Variants in RFX7 observed in about 807,000 individuals in gnomAD.
RFX7 encodes the protein regulatory factor X7.
RFX7 carries 26 observed loss-of-function variants against 111.8 expected under a neutral mutation model. That is an observed-to-expected ratio of 0.23 (90% confidence interval 0.17 to 0.32). RFX7 has a LOEUF of 0.32. Ranked by LOEUF, RFX7 falls within the 10% of genes least tolerant of loss-of-function variation. The probability of loss-of-function intolerance (pLI) is 1.00; values close to 1 mark genes in which losing one functional copy is unlikely to be tolerated. For synonymous variants in RFX7, 624 were observed against 624.4 expected, an observed-to-expected ratio of 1.00 and a Z score of 0.01; for missense variants, 1,573 against 1,772.9, an observed-to-expected ratio of 0.89 and a Z score of 2.02.
chr15:56,164,415 C>A (rs1416169593), intron 3 of RFX7, among the ~76,000 whole-genome samples: 1 of 152,178 alleles, frequency 6.6e-6, no homozygotes, highest in Non-Finnish European at 1.5e-5. Context: ...GTTTTAATAT[C>A]CAAGATCTGT....
chr15:56,218,011 AAG>A (rs2043380563), intron 2 of RFX7, among the ~76,000 whole-genome samples: 1 of 152,098 alleles, frequency 6.6e-6, no homozygotes, highest in South Asian at 2.1e-4. Flanking sequence ...GGGGAAAAAA[AAG>A]AGATGGTTGT....
chr15:56,159,758 T>C (rs1421785830), intron 3 of RFX7, among the ~76,000 whole-genome samples: 3 of 152,206 alleles, frequency 2.0e-5, no homozygotes, highest in African/African-American at 7.2e-5. Flanking sequence ...GAACTGTCAA[T>C]ACATACCAGA....
chr15:56,176,570 A>G (rs928411982), intron 3 of RFX7, among the ~76,000 whole-genome samples: 1 of 152,214 alleles, frequency 6.6e-6, no homozygotes, highest in Admixed American at 6.5e-5. Flanking sequence ...CAGACATTCT[A>G]TTTCCAGCAA....
intron 5 of RFX7, among the ~76,000 whole-genome samples, chr15:56,127,617 G>A (rs1183549884): frequency 3.4e-5 from 5 of 149,238 alleles, no homozygotes; most frequent in Admixed American, 2.0e-4. Flanking sequence ...GCGCGATCTC[G>A]ACTCACTGCA....
intron 3 of RFX7, among the ~76,000 whole-genome samples, chr15:56,177,916 A>G (rs2042919772): frequency 6.6e-6 from 1 of 152,154 alleles, no homozygotes; most frequent in African/African-American, 2.4e-5. Context: ...CCACTTTTCT[A>G]GGTCTTAAGA....
intron 3 of RFX7, among the ~76,000 whole-genome samples, chr15:56,164,803 G>A (rs549210873): frequency 1.3e-5 from 2 of 152,266 alleles, no homozygotes; most frequent in South Asian, 2.1e-4. Flanking sequence ...AATAGGCTTT[G>A]CTGTTCACTA....
intron 2 of RFX7, among the ~76,000 whole-genome samples, chr15:56,195,335 A>G (rs1180255199): frequency 2.0e-5 from 3 of 152,118 alleles, no homozygotes; most frequent in Non-Finnish European, 4.4e-5. Flanking sequence ...TGATGGCTAC[A>G]TAACACTGTA....
At position 56,243,865 on chromosome 15, in the gene RFX7, C is replaced by T. The variant is rs1481864795; in HGVS notation, c.-423G>A. 4 of 148,768 alleles carry T rather than the reference C, an allele frequency of 2.7e-5. No individual in the cohort carries two copies. The highest frequency in any genetic ancestry group is 1.9e-4 in the East Asian group (1 of 5,154). 9.2% of individuals were successfully genotyped at this position (148,768 alleles called of 1,614,324 possible). Reference sequence around the variant, plus strand: ...CTGCCCTGCCAGCCCCGGAGGCAGCCCAGTGCGCGCAGCCGCACTGCGGCC... The same window carrying T: ...CTGCCCTGCCAGCCCCGGAGGCAGCTCAGTGCGCGCAGCCGCACTGCGGCC... On this transcript the variant is annotated 5_prime_UTR_variant, in exon 1 of 10. Coordinates refer to ENST00000559447, the MANE Select transcript of RFX7 (RefSeq NM_022841.7).
chr15:56,144,750 G>C (rs1311643153), intron 3 of RFX7, among the ~76,000 whole-genome samples: 3 of 152,140 alleles, frequency 2.0e-5, no homozygotes, highest in East Asian at 3.9e-4. Context: ...CTCAAAAAAA[G>C]CTTCTCATTT....
rs1370782331 is a variant in RFX7 at position 56,109,020 on chromosome 15, TCTCCCTCTCCCTCTCCCTCTCCCA to T, written c.402-5374_402-5351del. The stretch of plus-strand genomic sequence containing the variant: ...GGACCTCTTCAAGAACTACAAACCT[TCTCCCTCTCCCTCTCCCTCTCCCA>T]CTCCCTCTGCCTCTCCCTCTCCCTC... On this transcript the variant is annotated intron_variant, in intron 5 of 9. Coordinates refer to ENST00000559447, the MANE Select transcript of RFX7 (RefSeq NM_022841.7). Among the ~76,000 whole-genome samples the T allele has an allele frequency of 9.1e-5, 6 of 65,824 alleles. No individual in the cohort carries two copies. In the Admixed American group the frequency reaches 9.5e-4, roughly 10 times the overall value. 43.2% of individuals were successfully genotyped at this position (65,824 alleles called of 152,430 possible). A position where few individuals can be genotyped will look rare whatever the true frequency, so the allele number is the denominator to read the frequency against.
At position 56,142,894 on chromosome 15, in the gene RFX7, C is replaced by T; in HGVS notation, c.285G>A (p.Gln95=). 6.2e-7 allele frequency: 1 copy of T among 1,613,436 alleles called. No individual in the cohort carries two copies. Among genetic ancestry groups the T allele is most frequent in the Non-Finnish European group, 8.5e-7 (1 of 1,179,676 alleles). The change falls in exon 5 of 10, where the codon CAG becomes CAA. Residue 95 remains glutamine (Q), a synonymous_variant. Transcript: ENST00000559447. ...SGLSNGEKSD[Q]NAMSSSRAQQ... ...GTGCCCGACTAGATGACATGGCATT[C>T]TGATCACTAATAGAATGAAAACATG...
At chr15:56,138,812 TG>T (rs1328168990) in intron 5 of RFX7, among the ~76,000 whole-genome samples, 4 of 152,024 alleles carry the variant, frequency 2.6e-5, no homozygotes, top group Non-Finnish European at 5.9e-5. Context: ...GCAGGCCTGG[TG>T]GTGACAAAAT....
intron 3 of RFX7, among the ~76,000 whole-genome samples, chr15:56,159,064 C>T (rs971961369): frequency 6.6e-6 from 1 of 152,078 alleles, no homozygotes; most frequent in African/African-American, 2.4e-5. Flanking sequence ...CAACCTTTCT[C>T]GATTCCATAT....
Position 56,096,041 on chromosome 15 carries a change from G to C in RFX7, c.1687C>G (p.Gln563Glu). The change falls in exon 10 of 10, where the codon CAG (glutamine) becomes GAG (glutamate). Residue 563 changes from glutamine (Q) to glutamate (E), a missense_variant. Gln to Glu is a conservative substitution (Grantham distance 29, BLOSUM62 2). Transcript: ENST00000559447. ...QENSDEAKAP[Q>E]TPSALLGQKS... ...TGCCCCAAAAGGGCACTAGGTGTCTGGGGAGCTTTAGCCTCATCAGAGTTC... is the reference window on the plus strand; with the variant it reads ...TGCCCCAAAAGGGCACTAGGTGTCTCGGGAGCTTTAGCCTCATCAGAGTTC... 1.9e-6 allele frequency: 3 copies of C among 1,613,118 alleles called. No homozygotes were observed. Among genetic ancestry groups the C allele is most frequent in the Non-Finnish European group, 1.7e-6 (2 of 1,179,536 alleles).
At chr15:56,165,209 T>C (rs1020300162) in intron 3 of RFX7, among the ~76,000 whole-genome samples, 1 of 152,202 alleles carries the variant, frequency 6.6e-6, no homozygotes, top group Non-Finnish European at 1.5e-5. Context: ...CTTACTGCTG[T>C]GTGGCCCGGT....
chr15:56,115,456 G>A (rs560143218), intron 5 of RFX7, among the ~76,000 whole-genome samples: 1 of 152,296 alleles, frequency 6.6e-6, no homozygotes, highest in Non-Finnish European at 1.5e-5. Flanking sequence ...AACTGGGGCT[G>A]TCTGCTTAGT....
intron 2 of RFX7, among the ~76,000 whole-genome samples, chr15:56,228,549 GATA>G (rs2043511443): frequency 6.6e-6 from 1 of 152,064 alleles, no homozygotes; most frequent in Admixed American, 6.5e-5. Flanking sequence ...GAAAAAAGAA[GATA>G]ATGATGACTA....
intron 5 of RFX7, among the ~76,000 whole-genome samples, chr15:56,123,510 G>A (rs1238457769): frequency 1.3e-5 from 2 of 152,168 alleles, no homozygotes; most frequent in Non-Finnish European, 2.9e-5. Context: ...TTTCAGAGTT[G>A]CAAGCTTTGC....
At chr15:56,238,993 C>G (rs1359513383) in intron 2 of RFX7, among the ~76,000 whole-genome samples, 2 of 151,644 alleles carry the variant, frequency 1.3e-5, no homozygotes, top group East Asian at 3.9e-4. Flanking sequence ...GATGCCACAC[C>G]TGGATAATTT....
Sources: allele counts gnomAD v4.1 joint callset (sites outside exome capture counted in the v4.1 genomes callset), GRCh38; gene constraint gnomAD v4.1.1; transcripts MANE v1.5; gene names NCBI Gene and HGNC (gene_info 2026-07-23, HGNC 2026-07-21).